ZCCHC14: variants seen among roughly 807,000 people sequenced by gnomAD.
ZCCHC14 encodes zinc finger CCHC-type containing 14, also known as zinc finger CCHC domain-containing protein 14.
ZCCHC14 carries 16 observed loss-of-function variants against 85.0 expected under a neutral mutation model. The observed-to-expected ratio is 0.19, with a 90% CI of 0.13 to 0.29. The LOEUF is 0.29. Among genes scored for constraint, ZCCHC14 ranks in the 10% least tolerant of loss-of-function variants. The probability of loss-of-function intolerance (pLI) is 1.00; values close to 1 mark genes in which losing one functional copy is unlikely to be tolerated. For synonymous variants in ZCCHC14, 775 were observed against 630.7 expected, an observed-to-expected ratio of 1.23 and a Z score of -3.43; for missense variants, 1,303 against 1,443.5, an observed-to-expected ratio of 0.90 and a Z score of 1.58.
chr16:87,456,335 C>T (rs1293352851), intron 2 of ZCCHC14, among the ~76,000 whole-genome samples: 1 of 151,812 alleles, frequency 6.6e-6, no homozygotes, highest in Non-Finnish European at 1.5e-5. Context: ...TCGAGACTAT[C>T]CTGGCTAACA....
Position 87,412,856 on chromosome 16 carries a change from G to C in ZCCHC14, c.1865C>G (p.Ser622Cys). Residue 622 changes from serine to cysteine, a missense_variant, in exon 12 of 13, where the codon TCC (serine) becomes TGC (cysteine). Ser to Cys is a moderately radical substitution (Grantham distance 112). Transcript: ENST00000671377. The part of the protein sequence containing the change: ...QVLPVQNEAS[S>C]NPSGHHPLPP... Reference sequence around the variant, plus strand: ...CAGGGGGTGGTGGCCTGATGGATTGGAGCTGGCCTCATTCTGCACAGGGAG... The same window carrying C: ...CAGGGGGTGGTGGCCTGATGGATTGCAGCTGGCCTCATTCTGCACAGGGAG... The C allele has an allele frequency of 1.2e-6, 2 of 1,608,646 alleles. No homozygotes were observed. Among genetic ancestry groups the C allele is most frequent in the Non-Finnish European group, 1.7e-6 (2 of 1,176,914 alleles).
chr16:87,480,717 A>T (rs994480681), intron 1 of ZCCHC14, among the ~76,000 whole-genome samples: 1 of 152,210 alleles, frequency 6.6e-6, no homozygotes, highest in Non-Finnish European at 1.5e-5. Context: ...AGTGATTTAA[A>T]AAGTCAGTCT....
intron 3 of ZCCHC14, among the ~76,000 whole-genome samples, chr16:87,430,063 A>G (rs1329629765): frequency 6.6e-6 from 1 of 152,218 alleles, no homozygotes; most frequent in Non-Finnish European, 1.5e-5. Context: ...TCAAATCTTA[A>G]TATATTCTAA....
Position 87,411,778 on chromosome 16 carries a change from G to A in ZCCHC14, c.2943C>T (p.Gly981=), listed in dbSNP as rs759257525. ...GYVSAQQYGG[G]STFPVVHAPY... The stretch of plus-strand genomic sequence containing the variant: ...GGGCGTGCACGACGGGGAAGGTGGA[G>A]CCGCCGCCGTACTGCTGGGCGCTGA... The change falls in exon 12 of 13, where the codon GGC becomes GGT. Residue 981 remains glycine (G), a synonymous_variant. Transcript: ENST00000671377. 30 of 1,610,734 alleles carry A rather than the reference G, an allele frequency of 1.9e-5. No individual in the cohort carries two copies. The South Asian group carries it at 3.2e-4, about 17-fold the overall frequency.
At chr16:87,488,464 C>T (rs1912610766) in intron 1 of ZCCHC14, among the ~76,000 whole-genome samples, 1 of 152,138 alleles carries the variant, frequency 6.6e-6, no homozygotes, top group Non-Finnish European at 1.5e-5. Flanking sequence ...TGTACTCCCC[C>T]CACTTTTACA....
chr16:87,436,340 C>T (rs764519244), intron 2 of ZCCHC14, among the ~76,000 whole-genome samples: 3 of 152,258 alleles, frequency 2.0e-5, no homozygotes, highest in Admixed American at 6.5e-5. Context: ...AGGGCACCTC[C>T]GGGCCCAGGA....
rs1203922234 is a variant in ZCCHC14 at position 87,408,746 on chromosome 16, CTCACA to C, written c.*1529_*1533del. The C allele has an allele frequency of 2.6e-5, 4 of 152,422 alleles. No homozygotes were observed. The highest frequency in any genetic ancestry group is 4.4e-5 in the Non-Finnish European group (3 of 68,032). 9.4% of individuals were successfully genotyped at this position (152,422 alleles called of 1,614,324 possible). The stretch of plus-strand genomic sequence containing the variant: ...TAGGAACTGCTCTTCAAATTGAACG[CTCACA>C]TCACAAGGCCTCATTCTAGGGTATT... On this transcript the variant is annotated 3_prime_UTR_variant, in exon 13 of 13. Transcript: ENST00000671377.
intron 1 of ZCCHC14, among the ~76,000 whole-genome samples, chr16:87,486,932 C>G (rs1912537361): frequency 1.3e-5 from 2 of 152,192 alleles, no homozygotes; most frequent in African/African-American, 4.8e-5. Context: ...TTATGGAATG[C>G]TAGATGACTC....
intron 1 of ZCCHC14, among the ~76,000 whole-genome samples, chr16:87,490,311 C>T (rs1191080957): frequency 6.6e-6 from 1 of 152,234 alleles, no homozygotes; most frequent in African/African-American, 2.4e-5. Flanking sequence ...AAAGTCTTAT[C>T]AAAGTTTTAA....
chr16:87,444,253 G>A (rs549970106), intron 2 of ZCCHC14, among the ~76,000 whole-genome samples: 3 of 152,276 alleles, frequency 2.0e-5, no homozygotes, highest in Non-Finnish European at 4.4e-5. Context: ...AAAGCTGAGT[G>A]TTGAACATCT....
At chr16:87,435,607 AC>A (rs1470163127) in intron 2 of ZCCHC14, among the ~76,000 whole-genome samples, 1 of 152,122 alleles carries the variant, frequency 6.6e-6, no homozygotes, top group African/African-American at 2.4e-5. Context: ...TGCTGCAAAC[AC>A]CCGGCCACGT....
At chr16:87,482,761 C>T (rs963865924) in intron 1 of ZCCHC14, among the ~76,000 whole-genome samples, 4 of 152,140 alleles carry the variant, frequency 2.6e-5, no homozygotes, top group African/African-American at 9.7e-5. Context: ...ACAGATGGCA[C>T]TGGGACAAAT....
chr16:87,410,653 G>C (rs544789275), intron 12 of ZCCHC14, among the ~76,000 whole-genome samples: 1 of 152,222 alleles, frequency 6.6e-6, no homozygotes, highest in Non-Finnish European at 1.5e-5. Flanking sequence ...GTGAGGGCAG[G>C]TGAGCGCTGG....
intron 2 of ZCCHC14, among the ~76,000 whole-genome samples, chr16:87,440,780 T>C (rs1184116131): frequency 2.6e-5 from 4 of 151,092 alleles, no homozygotes; most frequent in Non-Finnish European, 5.9e-5. Flanking sequence ...CCGATTTTTG[T>C]ATTTTTTTTT....
chr16:87,461,849 C>A (rs1911275219), intron 1 of ZCCHC14, among the ~76,000 whole-genome samples: 1 of 152,232 alleles, frequency 6.6e-6, no homozygotes, highest in Non-Finnish European at 1.5e-5. Flanking sequence ...CCCTGCCCCC[C>A]AGCAAGAAGC....
chr16:87,486,253 C>T (rs914046494), intron 1 of ZCCHC14, among the ~76,000 whole-genome samples: 11 of 152,118 alleles, frequency 7.2e-5, no homozygotes, highest in African/African-American at 1.9e-4. Flanking sequence ...CATCCCAGCA[C>T]GGTCACGCAC....
intron 3 of ZCCHC14, among the ~76,000 whole-genome samples, chr16:87,427,926 C>T (rs1909457546): frequency 6.7e-6 from 1 of 148,434 alleles, no homozygotes; most frequent in Non-Finnish European, 1.5e-5. Flanking sequence ...AGCCACTGCA[C>T]CTGGCCTCTA....
rs748181922 is a variant in ZCCHC14, at chr16:87,411,720, G to A, written c.3001C>T (p.Leu1001=). ...YSSSGTPDPV[L]SGQSTFAVPP... The stretch of plus-strand genomic sequence containing the variant: ...ACGGCAAACGTGGACTGCCCACTCA[G>A]GACAGGGTCTGGGGTCCCGCTGCTG... The change falls in exon 12 of 13, where the codon CTG becomes TTG. Residue 1001 remains leucine (L), a synonymous_variant. Transcript: ENST00000671377. The A allele has an allele frequency of 7.4e-6, 12 of 1,613,948 alleles. No homozygotes were observed. In the African/African-American group the frequency reaches 1.3e-4, roughly 18 times the overall value.
In ZCCHC14 at chr16:87,411,731, G is replaced by C. The variant is rs1908450293; in HGVS notation, c.2990C>G (p.Pro997Arg). 6.2e-7 allele frequency: 1 copy of C among 1,613,818 alleles called. No individual in the cohort carries two copies. Among genetic ancestry groups the C allele is most frequent in the South Asian group, 1.1e-5 (1 of 91,086 alleles). The change falls in exon 12 of 13, where the codon CCA (proline) becomes CGA (arginine). Residue 997 changes from proline (P) to arginine (R), a missense_variant. Physicochemically the swap from Pro to Arg is moderately radical, Grantham distance 103. Coordinates refer to ENST00000671377, the MANE Select transcript of ZCCHC14 (RefSeq NM_015144.3). ...GGACTGCCCACTCAGGACAGGGTCT[G>C]GGGTCCCGCTGCTGCTGTAAGGGGC... ...VHAPYSSSGT[P>R]DPVLSGQSTF...
Sources: gnomAD v4.1 joint callset for allele counts (sites outside exome capture counted in the v4.1 genomes callset) on GRCh38, gnomAD v4.1.1 for gene constraint, MANE v1.5 for transcripts, NCBI Gene and HGNC (gene_info 2026-07-23, HGNC 2026-07-21) for gene names.